The following TFDP2 variants were observed in gnomAD, a reference collection of about 807,000 sequenced individuals.
TFDP2 encodes the protein transcription factor Dp-2 (E2F dimerization partner 2).
In TFDP2, 17 loss-of-function variants were observed where a neutral mutation model predicts 59.3. The observed-to-expected ratio is 0.29, with a 90% confidence interval of 0.20 to 0.43. The LOEUF is 0.43. Among genes scored for constraint, TFDP2 ranks in the 20% least tolerant of loss-of-function variants. The probability of loss-of-function intolerance (pLI) is 1.00; values close to 1 mark genes in which losing one functional copy is unlikely to be tolerated. For missense variants in TFDP2, 391 were observed against 528.8 expected, an observed-to-expected ratio of 0.74 and a Z score of 2.56; for synonymous variants, 180 against 194.7, an observed-to-expected ratio of 0.92 and a Z score of 0.63.
intron 2 of TFDP2, among the ~76,000 whole-genome samples, chr3:142,094,228 C>A (rs2061090352): frequency 1.3e-5 from 2 of 151,918 alleles, no homozygotes; most frequent in Non-Finnish European, 2.9e-5. Context: ...AGATTTGTAA[C>A]CTTGAAACAT....
Position 142,005,459 on chromosome 3 carries a change from C to A in TFDP2, c.168G>T (p.Val56=), listed in dbSNP as rs774708489. 1 of 1,607,936 alleles carries A rather than the reference C, an allele frequency of 6.2e-7. No homozygotes were observed. ...ILPKTLGPIN[V]NVGPQMIIST... ...TTCTTACCATTTGGGGTCCAACATT[C>A]ACATTTATTGGTCCTAAGGTTTTTG... The change falls in exon 4 of 13, where the codon GTG becomes GTT. Residue 56 remains valine, a synonymous_variant. Transcript: ENST00000489671.
In TFDP2 at chr3:141,952,567, C is replaced by G. The variant is rs768086644; in HGVS notation, c.1287G>C (p.Ser429=). The G allele has an allele frequency of 6.4e-7, 1 of 1,561,406 alleles. No individual in the cohort carries two copies. The highest frequency in any genetic ancestry group is 8.6e-7 in the Non-Finnish European group (1 of 1,163,976). ...CSESRGETPC[S]FNDEDEEDDE... is the part of the protein sequence containing the mutation. Reference sequence around the variant, plus strand: ...CATCTTCCTCATCTTCATCATTGAACGAACAGGGGGTCTCGCCTCGGGACT... The same window carrying G: ...CATCTTCCTCATCTTCATCATTGAAGGAACAGGGGGTCTCGCCTCGGGACT... Residue 429 remains serine (S), a synonymous_variant, in exon 13 of 13, where the codon TCG becomes TCC. Transcript: ENST00000489671.
chr3:142,043,941 A>T (rs1474706806), intron 3 of TFDP2: 6 of 799,098 alleles, frequency 7.5e-6, no homozygotes, highest in South Asian at 2.8e-5. Context: ...GCATTCGCGC[A>T]TTGGCTGTAC....
chr3:141,978,383 C>T (rs1941034236), intron 7 of TFDP2, 137 bp downstream of exon 7: 1 of 904,970 alleles, frequency 1.1e-6, no homozygotes, highest in African/African-American at 1.8e-5. Flanking sequence ...AAATAAAACT[C>T]AACAACAACA....
chr3:142,080,789 C>A (rs1331950685), intron 3 of TFDP2, among the ~76,000 whole-genome samples: 1 of 152,122 alleles, frequency 6.6e-6, no homozygotes, highest in African/African-American at 2.4e-5. Context: ...GAGGATATAA[C>A]AATTGTAAAT....
chr3:142,113,726 T>C (rs980312079), intron 1 of TFDP2, among the ~76,000 whole-genome samples: 3 of 152,120 alleles, frequency 2.0e-5, no homozygotes, highest in South Asian at 2.1e-4. Flanking sequence ...AAGGAAGCAA[T>C]TGGAGAAGAA....
chr3:142,101,643 A>G (rs1406547607), intron 2 of TFDP2, 92 bp downstream of exon 2: 3 of 813,084 alleles, frequency 3.7e-6, no homozygotes, highest in African/African-American at 1.7e-5. Context: ...AAGTAAATTA[A>G]ATCTGGTTAA....
intron 3 of TFDP2, among the ~76,000 whole-genome samples, chr3:142,059,927 C>T (rs1360737275): frequency 6.6e-6 from 1 of 152,000 alleles, no homozygotes; most frequent in African/African-American, 2.4e-5. Context: ...TTTTATTTAC[C>T]TCCTCTTAAA....
intron 3 of TFDP2, among the ~76,000 whole-genome samples, chr3:142,007,053 C>T (rs558602470): frequency 1.3e-5 from 2 of 152,274 alleles, no homozygotes; most frequent in South Asian, 4.1e-4. Flanking sequence ...GGATTACAGG[C>T]GTGAGCCACC....
chr3:142,061,642 C>CTGGT (rs2059915668), intron 3 of TFDP2, among the ~76,000 whole-genome samples: 1 of 152,102 alleles, frequency 6.6e-6, no homozygotes, highest in Non-Finnish European at 1.5e-5. Context: ...AATTGGCACA[C>CTGGT]TGGTTCTGAG....
intron 3 of TFDP2, among the ~76,000 whole-genome samples, chr3:142,038,383 C>CA (rs1184364752): frequency 0.12 from 4,678 of 40,598 alleles, 416 homozygotes; most frequent in Non-Finnish European, 0.13. Context: ...GACTCCATCT[C>CA]AAAAAAAAAA....
At chr3:142,093,353 G>T (rs1211719896) in intron 2 of TFDP2, among the ~76,000 whole-genome samples, 2 of 152,054 alleles carry the variant, frequency 1.3e-5, no homozygotes, top group East Asian at 3.9e-4. Flanking sequence ...GGAGGCTGAG[G>T]TCGGAGGATT....
intron 2 of TFDP2, among the ~76,000 whole-genome samples, chr3:142,099,595 G>A (rs902889142): frequency 8.6e-5 from 13 of 151,890 alleles, no homozygotes; most frequent in African/African-American, 3.1e-4. Context: ...AGCTACTTGG[G>A]AGGCTGAGGC....
chr3:142,010,234 C>A (rs1041806052), intron 3 of TFDP2, among the ~76,000 whole-genome samples: 39 of 152,110 alleles, frequency 2.6e-4, no homozygotes, highest in Non-Finnish European at 5.4e-4. Flanking sequence ...AGGCAATACT[C>A]CCATATAAAA....
At chr3:142,038,710 ATC>A (rs1388941427) in intron 3 of TFDP2, among the ~76,000 whole-genome samples, 3 of 152,278 alleles carry the variant, frequency 2.0e-5, no homozygotes, top group South Asian at 2.1e-4. Flanking sequence ...GTGTACACAT[ATC>A]GAGTCTTTCT....
At chr3:142,081,963 C>T (rs1403179084) in intron 3 of TFDP2, among the ~76,000 whole-genome samples, 1 of 152,180 alleles carries the variant, frequency 6.6e-6, no homozygotes, top group East Asian at 1.9e-4. Context: ...GGGTCCCAAA[C>T]CCCTGGGCCA....
intron 3 of TFDP2, chr3:142,044,039 G>T: frequency 1.5e-6 from 1 of 659,940 alleles, no homozygotes. Context: ...CTGTCAACAG[G>T]CTTGCTGATG....
At chr3:141,997,931 T>C (rs1257481653) in intron 4 of TFDP2, among the ~76,000 whole-genome samples, 2 of 150,630 alleles carry the variant, frequency 1.3e-5, no homozygotes, top group Admixed American at 6.6e-5. Flanking sequence ...AAACTGGCTA[T>C]CTTTATGAAA....
rs188683834 is a variant in TFDP2, at chr3:142,071,694, G to A, written c.82+21367C>T. 2.1e-3 allele frequency among the ~76,000 whole-genome samples: 316 copies of A among 152,316 alleles called. 5 individuals are homozygous for A. The highest frequency in any genetic ancestry group is 7.4e-3 in the African/African-American group (308 of 41,570). On this transcript the variant is annotated intron_variant, in intron 3 of 12. Transcript: ENST00000489671. ...AAAATGGGTGAGGAAGGCTCAGAGAGTTAGGTGGAATCAAAAAGCCTTGTA... is the reference window on the plus strand; with the variant it reads ...AAAATGGGTGAGGAAGGCTCAGAGAATTAGGTGGAATCAAAAAGCCTTGTA...
Sources: gnomAD v4.1 joint callset for allele counts (sites outside exome capture counted in the v4.1 genomes callset) on GRCh38, gnomAD v4.1.1 for gene constraint, MANE v1.5 for transcripts, NCBI Gene and HGNC (gene_info 2026-07-23, HGNC 2026-07-21) for gene names.